FGF14: variants seen among roughly 807,000 people sequenced by gnomAD.
FGF14 encodes fibroblast growth factor homologous factor 4.
FGF14 carries 5 observed loss-of-function variants against 25.5 expected under a neutral mutation model. The observed-to-expected ratio is 0.20, with a 90% CI of 0.10 to 0.41. The LOEUF (loss-of-function observed/expected upper bound fraction) is 0.41, where lower values mean the gene tolerates loss of function less well. Among genes scored for constraint, FGF14 ranks in the 10% least tolerant of loss-of-function variants. The probability of loss-of-function intolerance (pLI) is 1.00; values close to 1 mark genes in which losing one functional copy is unlikely to be tolerated. For synonymous variants in FGF14, 138 were observed against 118.3 expected (o/e 1.17, Z -1.08); for missense variants, 222 against 320.1 (o/e 0.69, Z 2.34).
chr13:102,113,358 T>G (rs988803651), intron 1 of FGF14, among the ~76,000 whole-genome samples: 5 of 152,184 alleles, frequency 3.3e-5, no homozygotes, highest in Non-Finnish European at 4.4e-5. Flanking sequence ...CTCTGTGGTG[T>G]GTGTACATCC....
chr13:101,753,958 C>T (rs1243653573), intron 3 of FGF14, among the ~76,000 whole-genome samples: 2 of 152,084 alleles, frequency 1.3e-5, no homozygotes, highest in Non-Finnish European at 2.9e-5. Context: ...GAACACTGCC[C>T]ATGAAAAAAA....
intron 2 of FGF14, among the ~76,000 whole-genome samples, chr13:101,873,492 T>C (rs1031136650): frequency 2.0e-5 from 3 of 152,092 alleles, no homozygotes; most frequent in African/African-American, 7.2e-5. Context: ...ATCAGAGTTA[T>C]GGGAAACTAG....
chr13:102,163,751 TGTTTAGGA>T (rs2047880286), intron 1 of FGF14, among the ~76,000 whole-genome samples: 1 of 151,950 alleles, frequency 6.6e-6, no homozygotes, highest in African/African-American at 2.4e-5. Flanking sequence ...GCAGGGACCA[TGTTTAGGA>T]GTTTAGGCAT....
At chr13:101,859,922 G>A (rs772239524) in intron 3 of FGF14, among the ~76,000 whole-genome samples, 6 of 151,986 alleles carry the variant, frequency 3.9e-5, no homozygotes, top group Non-Finnish European at 5.9e-5. Context: ...GAAAGGAAGC[G>A]ATTTATTAAA....
At chr13:102,265,487 T>A (rs1416526970) in intron 1 of FGF14, among the ~76,000 whole-genome samples, 1 of 152,182 alleles carries the variant, frequency 6.6e-6, no homozygotes, top group Non-Finnish European at 1.5e-5. Context: ...CTATAAGCCA[T>A]GACTTGGGTT....
chr13:101,979,360 TG>T (rs367912153), intron 1 of FGF14, among the ~76,000 whole-genome samples: 10 of 152,234 alleles, frequency 6.6e-5, no homozygotes, highest in African/African-American at 2.4e-4. Flanking sequence ...TACTGACATT[TG>T]CCCTTTTCAT....
chr13:102,166,939 T>TAAA (rs2048038162), intron 1 of FGF14, among the ~76,000 whole-genome samples: 1 of 152,026 alleles, frequency 6.6e-6, no homozygotes, highest in Non-Finnish European at 1.5e-5. Flanking sequence ...ATATCAAGAA[T>TAAA]TGGCTGTTTG....
chr13:102,339,791 A>G (rs996957981), intron 1 of FGF14, among the ~76,000 whole-genome samples: 2 of 152,224 alleles, frequency 1.3e-5, no homozygotes, highest in African/African-American at 4.8e-5. Context: ...GAAATCCAAG[A>G]GATAGAAGGT....
At chr13:102,215,552 G>C (rs2050336046) in intron 1 of FGF14, among the ~76,000 whole-genome samples, 1 of 152,138 alleles carries the variant, frequency 6.6e-6, no homozygotes, top group African/African-American at 2.4e-5. Flanking sequence ...TCCTATGCCT[G>C]CATCAAGCCT....
chr13:102,117,490 GA>G (rs2140347540), intron 1 of FGF14, among the ~76,000 whole-genome samples: 1 of 152,266 alleles, frequency 6.6e-6, no homozygotes, highest in South Asian at 2.1e-4. Context: ...GGAGAGCTTT[GA>G]AAAATACTGG....
chr13:101,864,913 C>T (rs2140429569), intron 3 of FGF14, among the ~76,000 whole-genome samples: 1 of 152,142 alleles, frequency 6.6e-6, no homozygotes. Flanking sequence ...ATTGTAAACC[C>T]CATAATTAAC....
rs1197419590 is a variant in FGF14, at chr13:102,175,964, C to T, written c.208+225507G>A. Among the ~76,000 whole-genome samples, 4 of 151,824 alleles carry T rather than the reference C, an allele frequency of 2.6e-5. No homozygotes were observed. The East Asian group carries it at 7.7e-4, about 29-fold the overall frequency. On this transcript the variant is annotated intron_variant, in intron 1 of 4. Transcript: ENST00000376131. ...AGAAAAGGAAATGCTTATACATTGT[C>T]GGTGGGAATGTAAATTAGTACAACC...
intron 1 of FGF14, among the ~76,000 whole-genome samples, chr13:102,257,577 C>T (rs538961587): frequency 6.6e-6 from 1 of 151,886 alleles, no homozygotes; most frequent in African/African-American, 2.4e-5. Flanking sequence ...AAGTGATCCA[C>T]CTGCCTTGGC....
intron 3 of FGF14, among the ~76,000 whole-genome samples, chr13:101,759,492 C>T (rs2037871852): frequency 6.6e-6 from 1 of 152,124 alleles, no homozygotes; most frequent in African/African-American, 2.4e-5. Flanking sequence ...AGCTTGGTTG[C>T]CTGGGATTCA....
rs532430255 is a variant in FGF14, at chr13:102,036,959, G to C, written c.209-161663C>G. ...GCAATCACAAATCTGAAAATGGTCAGAGCAAAATACACAGGGAGCATATTT... is the reference window on the plus strand; with the variant it reads ...GCAATCACAAATCTGAAAATGGTCACAGCAAAATACACAGGGAGCATATTT... On this transcript the variant is annotated intron_variant, in intron 1 of 4. Transcript: ENST00000376131. Among the ~76,000 whole-genome samples the C allele has an allele frequency of 1.5e-4, 23 of 152,264 alleles. No individual in the cohort carries two copies. In the South Asian group the frequency reaches 4.4e-3, roughly 29 times the overall value.
chr13:102,124,418 G>A (rs1367004944), intron 1 of FGF14, among the ~76,000 whole-genome samples: 2 of 152,030 alleles, frequency 1.3e-5, no homozygotes, highest in Admixed American at 6.6e-5. Context: ...AGCCATAGTG[G>A]GGTTCTGTTA....
chr13:102,135,948 G>C (rs778839274), intron 1 of FGF14, among the ~76,000 whole-genome samples: 13 of 152,094 alleles, frequency 8.5e-5, no homozygotes, highest in African/African-American at 3.1e-4. Context: ...GAGCCACCAC[G>C]CCCGGCCCCC....
At chr13:102,014,373 G>A (rs1324976309) in intron 1 of FGF14, among the ~76,000 whole-genome samples, 1 of 152,096 alleles carries the variant, frequency 6.6e-6, no homozygotes, top group African/African-American at 2.4e-5. Flanking sequence ...TTTCACATAT[G>A]TATAGATTGA....
chr13:101,723,411 C>A (rs913450881), intron 4 of FGF14, among the ~76,000 whole-genome samples: 1 of 152,000 alleles, frequency 6.6e-6, no homozygotes, highest in Non-Finnish European at 1.5e-5. Context: ...TTGTGAGCTG[C>A]GGTATTTACA....
Sources: gnomAD v4.1 joint callset for allele counts (sites outside exome capture counted in the v4.1 genomes callset) on GRCh38, gnomAD v4.1.1 for gene constraint, MANE v1.5 for transcripts, NCBI Gene and HGNC (gene_info 2026-07-23, HGNC 2026-07-21) for gene names.